The following RRH variants were observed in gnomAD, a reference collection of about 807,000 sequenced individuals.
The protein encoded by RRH is visual pigment-like receptor peropsin.
RRH carries 36 observed loss-of-function variants against 33.1 expected under a neutral mutation model. The observed-to-expected ratio is 1.09, with a 90% CI of 0.83 to 1.44. RRH has a LOEUF of 1.44. Ranked by LOEUF, RRH falls within the 40% of genes most tolerant of loss-of-function variation. RRH has a pLI of 0.00. For synonymous variants in RRH, 124 were observed against 140.2 expected, an observed-to-expected ratio of 0.88 and a Z score of 0.82; for missense variants, 393 against 420.2, an observed-to-expected ratio of 0.94 and a Z score of 0.57.
intron 1 of RRH, among the ~76,000 whole-genome samples, chr4:109,830,885 A>G (rs1216525927): frequency 1.3e-5 from 2 of 152,180 alleles, no homozygotes; most frequent in Non-Finnish European, 2.9e-5. Context: ...ACGGAAGACA[A>G]GAAGGAAAAT....
At chr4:109,832,498 G>GTGTGTGTGTC (rs1362598024) in intron 1 of RRH, among the ~76,000 whole-genome samples, 1 of 43,934 alleles carries the variant, frequency 2.3e-5, no homozygotes, top group African/African-American at 4.1e-5. Flanking sequence ...TTGGGGTAGT[G>GTGTGTGTGTC]TGTGTGTGTG....
intron 5 of RRH, among the ~76,000 whole-genome samples, chr4:109,841,199 G>T (rs1468936956): frequency 2.0e-5 from 3 of 151,728 alleles, no homozygotes; most frequent in Non-Finnish European, 4.4e-5. Flanking sequence ...TGGAGGTTTG[G>T]GGGAATTTCT....
chr4:109,832,556 T>G (rs932415501), intron 1 of RRH, among the ~76,000 whole-genome samples: 1 of 149,846 alleles, frequency 6.7e-6, no homozygotes, highest in Non-Finnish European at 1.5e-5. Context: ...TTTGGACATG[T>G]TGAGTTTCAA....
At chr4:109,831,674 G>A (rs1733754057) in intron 1 of RRH, among the ~76,000 whole-genome samples, 1 of 152,102 alleles carries the variant, frequency 6.6e-6, no homozygotes, top group Admixed American at 6.5e-5. Flanking sequence ...CAAGCATGGT[G>A]TATCTGGGCA....
intron 5 of RRH, among the ~76,000 whole-genome samples, chr4:109,840,142 T>C (rs1330132894): frequency 6.6e-6 from 1 of 152,188 alleles, no homozygotes; most frequent in East Asian, 1.9e-4. Flanking sequence ...ATTTTTTGAC[T>C]TTTTATTAGC....
chr4:109,828,074 A>G lies in RRH; in HGVS notation c.47A>G (p.Asp16Gly). The G allele has an allele frequency of 6.2e-7, 1 of 1,612,990 alleles. No homozygotes were observed. Among genetic ancestry groups the G allele is most frequent in the Non-Finnish European group, 8.5e-7 (1 of 1,179,080 alleles). The change falls in exon 1 of 7, where the codon GAT (aspartate) becomes GGT (glycine). Residue 16 changes from aspartate (D) to glycine (G), a missense_variant. Asp to Gly is a moderately conservative substitution (Grantham distance 94). Coordinates refer to ENST00000317735, the MANE Select transcript of RRH (RefSeq NM_006583.5). ...LGNSSDSKNE[D>G]GSVFSQTEHN... The stretch of plus-strand genomic sequence containing the variant: ...AACAGTTCAGACTCTAAAAATGAAG[A>G]TGGCTCGGTCTTTTCACAGACTGAA...
chr4:109,838,288 C>T (rs1733926564), intron 5 of RRH, among the ~76,000 whole-genome samples: 2 of 152,168 alleles, frequency 1.3e-5, no homozygotes, highest in Non-Finnish European at 2.9e-5. Context: ...TTTCTCTGCT[C>T]TCAGTATGTT....
In RRH at chr4:109,842,499, G is replaced by T; in HGVS notation, c.751G>T (p.Val251Leu). The change falls in exon 6 of 7, where the codon GTG becomes TTG. Residue 251 changes from valine to leucine, a missense_variant. Transcript: ENST00000317735. The part of the protein sequence containing the change: ...MSVIMICMFL[V>L]AWSPYSIVCL... Reference sequence around the variant, plus strand: ...TGTGATCATGATCTGCATGTTTCTGGTGGCATGGTCCCCTTATTCCATCGT... The same window carrying T: ...TGTGATCATGATCTGCATGTTTCTGTTGGCATGGTCCCCTTATTCCATCGT... 2 of 1,613,798 alleles carry T rather than the reference G, an allele frequency of 1.2e-6. No homozygotes were observed. Among genetic ancestry groups the T allele is most frequent in the East Asian group, 2.2e-5 (1 of 44,872 alleles).
At chr4:109,830,477 TTGA>T (rs1166529197) in intron 1 of RRH, among the ~76,000 whole-genome samples, 1 of 151,994 alleles carries the variant, frequency 6.6e-6, no homozygotes, top group African/African-American at 2.4e-5. Context: ...GAAGGTGGAA[TTGA>T]TGATTGGATG....
Position 109,844,398 on chromosome 4 carries a change from A to C in RRH, c.*201A>C. The C allele has an allele frequency of 2.1e-6, 1 of 481,668 alleles. No homozygotes were observed. The allele number at this position is 481,668 out of a possible 1,614,324, so 29.8% of individuals were successfully genotyped here. A position where few individuals can be genotyped will look rare whatever the true frequency, so the allele number is the denominator to read the frequency against. On this transcript the variant is annotated 3_prime_UTR_variant, in exon 7 of 7. Coordinates refer to ENST00000317735, the MANE Select transcript of RRH (RefSeq NM_006583.5). ...TCTCTGTGTCCTGATATATCAACTT[A>C]TTGCTCATCTCCTTTGATGAATTAG...
chr4:109,832,259 C>T (rs898346197), intron 1 of RRH, among the ~76,000 whole-genome samples: 12 of 148,242 alleles, frequency 8.1e-5, no homozygotes, highest in East Asian at 2.0e-4. Context: ...CCAGTACACT[C>T]GACAGTATTT....
rs1330570062 is a variant in RRH, at chr4:109,842,401, C to G, written c.721-68C>G. 2.1e-6 allele frequency: 3 copies of G among 1,397,538 alleles called. No individual in the cohort carries two copies. The African/African-American group carries it at 4.4e-5, about 20-fold the overall frequency. The allele number at this position is 1,397,538 out of a possible 1,614,324, so 86.6% of individuals were successfully genotyped here. On this transcript the variant is annotated intron_variant, in intron 5 of 6. Coordinates refer to ENST00000317735, the MANE Select transcript of RRH (RefSeq NM_006583.5). Reference sequence around the variant, plus strand: ...ATTCCAACCCAGATAGATTTTTACCCAACTTTAGATATATTAATATTTAAA... The same window carrying G: ...ATTCCAACCCAGATAGATTTTTACCGAACTTTAGATATATTAATATTTAAA...
intron 5 of RRH, among the ~76,000 whole-genome samples, chr4:109,838,990 C>G (rs1407925214): frequency 1.3e-5 from 2 of 150,106 alleles, no homozygotes; most frequent in Non-Finnish European, 2.9e-5. Flanking sequence ...TTCTTTTCTT[C>G]TCTTTCCCTG....
At chr4:109,837,382 T>C in intron 4 of RRH, 55 bp from the exon 5 acceptor site, 1 of 1,421,154 alleles carries the variant, frequency 7.0e-7, no homozygotes, top group Non-Finnish European at 9.9e-7. Context: ...CTCTTTCTCC[T>C]TCCCCCACTT....
At chr4:109,829,200 A>G (rs938956234) in intron 1 of RRH, among the ~76,000 whole-genome samples, 5 of 152,060 alleles carry the variant, frequency 3.3e-5, no homozygotes, top group African/African-American at 9.7e-5. Flanking sequence ...TCTTCCTTAT[A>G]ATTCAGCGTA....
intron 1 of RRH, among the ~76,000 whole-genome samples, chr4:109,830,431 G>T (rs1256646422): frequency 6.6e-6 from 1 of 152,174 alleles, no homozygotes; most frequent in Non-Finnish European, 1.5e-5. Context: ...AGTAATCGCA[G>T]TGGGGACAGA....
rs1733860764 is a variant in RRH, at chr4:109,835,453, C to T, written c.385C>T (p.Leu129Phe). The stretch of plus-strand genomic sequence containing the variant: ...TGTGGACCGATACCTGACCATCTGC[C>T]TTCCTGACGTAGGTACAACACTTTT... ...VAVDRYLTIC[L>F]PDVGRRMTTN... Residue 129 changes from leucine to phenylalanine, a missense_variant, in exon 3 of 7, where the codon CTT becomes TTT. Coordinates refer to ENST00000317735, the MANE Select transcript of RRH (RefSeq NM_006583.5). 1 of 1,612,514 alleles carries T rather than the reference C, an allele frequency of 6.2e-7. No homozygotes were observed. The highest frequency in any genetic ancestry group is 1.3e-5 in the African/African-American group (1 of 74,858).
intron 5 of RRH, among the ~76,000 whole-genome samples, chr4:109,837,869 G>C (rs1048910519): frequency 6.6e-6 from 1 of 151,820 alleles, no homozygotes; most frequent in Non-Finnish European, 1.5e-5. Context: ...TCCGCCTCCC[G>C]GGTTCAAGTG....
chr4:109,828,538 A>T (rs1044602876), intron 1 of RRH, among the ~76,000 whole-genome samples: 2 of 152,028 alleles, frequency 1.3e-5, no homozygotes, highest in Admixed American at 6.6e-5. Flanking sequence ...ACATATTTTT[A>T]TGTCATTTAC....
Sources: gnomAD v4.1 joint callset for allele counts (sites outside exome capture counted in the v4.1 genomes callset) on GRCh38, gnomAD v4.1.1 for gene constraint, MANE v1.5 for transcripts, NCBI Gene and HGNC (gene_info 2026-07-23, HGNC 2026-07-21) for gene names.